Variants in EYA4 observed in about 807,000 individuals in gnomAD.
EYA4 encodes EYA transcriptional coactivator and phosphatase 4.
A neutral mutation model predicts 87.9 loss-of-function variants in EYA4; 31 were observed. The observed-to-expected ratio is 0.35, with a 90% CI of 0.27 to 0.48. The LOEUF (loss-of-function observed/expected upper bound fraction) is 0.48, where lower values mean the gene tolerates loss of function less well. Ranked by LOEUF, EYA4 falls within the 20% of genes least tolerant of loss-of-function variation. The pLI is 0.99. For synonymous variants in EYA4, 263 were observed against 270.6 expected, an observed-to-expected ratio of 0.97 and a Z score of 0.28; for missense variants, 678 against 761.4, an observed-to-expected ratio of 0.89 and a Z score of 1.29.
In EYA4 at chr6:133,477,061, G is replaced by A. The variant is rs186254256; in HGVS notation, c.971-4402G>A. 1.8e-3 allele frequency among the ~76,000 whole-genome samples: 281 copies of A among 152,152 alleles called. 2 individuals carry two copies. The highest frequency in any genetic ancestry group is 6.4e-3 in the African/African-American group (264 of 41,528). Reference sequence around the variant, plus strand: ...CTCCTTCCTGCCACCTTGTGAAGAAGGTGCCTTGCTTCCCCTTCCCCTTCT... The same window carrying A: ...CTCCTTCCTGCCACCTTGTGAAGAAAGTGCCTTGCTTCCCCTTCCCCTTCT... On this transcript the variant is annotated intron_variant, in intron 11 of 19. Transcript: ENST00000355286.
intron 2 of EYA4, among the ~76,000 whole-genome samples, chr6:133,294,310 G>C (rs1778773914): frequency 3.4e-5 from 5 of 149,246 alleles, no homozygotes; most frequent in Admixed American, 3.3e-4. Flanking sequence ...GAAATATAAA[G>C]AAAAAGGATA....
intron 2 of EYA4, among the ~76,000 whole-genome samples, chr6:133,296,025 G>A (rs75822474): frequency 0.15 from 22,777 of 152,202 alleles, 1,750 homozygotes; most frequent in Non-Finnish European, 0.17. Context: ...CTGTATTGCT[G>A]TGGAGGTCGG....
chr6:133,261,688 T>A (rs751033060), intron 1 of EYA4, among the ~76,000 whole-genome samples: 6 of 152,196 alleles, frequency 3.9e-5, no homozygotes, highest in Non-Finnish European at 8.8e-5. Flanking sequence ...TACTCTTAGT[T>A]GAGCAGGGTT....
intron 2 of EYA4, among the ~76,000 whole-genome samples, chr6:133,290,661 T>C (rs1778418809): frequency 1.3e-5 from 2 of 152,166 alleles, no homozygotes; most frequent in South Asian, 2.1e-4. Context: ...CCATGCTTGA[T>C]ACAGAGGGCT....
At chr6:133,495,674 T>A (rs1295233499) in intron 13 of EYA4, among the ~76,000 whole-genome samples, 4 of 152,228 alleles carry the variant, frequency 2.6e-5, no homozygotes, top group African/African-American at 9.6e-5. Flanking sequence ...CACTATGCAG[T>A]AAGAATGGCC....
chr6:133,487,132 C>T (rs900760117), intron 13 of EYA4, among the ~76,000 whole-genome samples: 29 of 152,152 alleles, frequency 1.9e-4, no homozygotes, highest in African/African-American at 7.0e-4. Flanking sequence ...ACTCAGTGAC[C>T]TTTCACAGCA....
chr6:133,268,365 C>G (rs1776397574), intron 1 of EYA4, among the ~76,000 whole-genome samples: 1 of 152,174 alleles, frequency 6.6e-6, no homozygotes, highest in African/African-American at 2.4e-5. Context: ...TGTATGGTCT[C>G]TTTGCAATCC....
At chr6:133,315,315 ACT>A (rs1299018760) in intron 2 of EYA4, among the ~76,000 whole-genome samples, 1 of 151,950 alleles carries the variant, frequency 6.6e-6, no homozygotes, top group Non-Finnish European at 1.5e-5. Context: ...AAGTGTTAAA[ACT>A]CAGTATTTTC....
intron 2 of EYA4, among the ~76,000 whole-genome samples, chr6:133,368,984 C>T (rs535892191): frequency 9.9e-4 from 151 of 152,106 alleles, no homozygotes; most frequent in African/African-American, 1.8e-3. Flanking sequence ...TTTTCCTGTA[C>T]GTCACTGTAT....
chr6:133,266,452 G>A (rs1349437820), intron 1 of EYA4, among the ~76,000 whole-genome samples: 17 of 152,148 alleles, frequency 1.1e-4, no homozygotes, highest in Admixed American at 9.2e-4. Context: ...CTCCAGAACT[G>A]TGAGAATAGA....
chr6:133,278,579 A>G (rs189928081), intron 2 of EYA4, among the ~76,000 whole-genome samples: 289 of 152,308 alleles, frequency 1.9e-3, no homozygotes, highest in African/African-American at 6.4e-3. Context: ...AAATTTTAGA[A>G]AGCCAAAATG....
Position 133,258,795 on chromosome 6 carries a change from A to G in EYA4, c.-65-15921A>G, listed in dbSNP as rs1465746467. Among the ~76,000 whole-genome samples, 5 of 152,126 alleles carry G rather than the reference A, an allele frequency of 3.3e-5. No homozygotes were observed. The East Asian group carries it at 9.6e-4, about 29-fold the overall frequency. ...TGAACTTGTAGATTCTACAAAGAAC[A>G]TCCAAGTACCAGGCAAACCACATCT... On this transcript the variant is annotated intron_variant, in intron 1 of 19. Transcript: ENST00000355286.
chr6:133,273,097 G>GTATATATATATATATATATATATATATA (rs3065331), intron 1 of EYA4, among the ~76,000 whole-genome samples: 30 of 106,634 alleles, frequency 2.8e-4, no homozygotes, highest in African/African-American at 8.6e-4. Context: ...ATATATATAT[G>GTATATATATATATATATATATATATATA]TATATATATA....
At chr6:133,374,362 T>A (rs1477759973) in intron 2 of EYA4, among the ~76,000 whole-genome samples, 2 of 152,008 alleles carry the variant, frequency 1.3e-5, no homozygotes. Flanking sequence ...ACCAGGGTCC[T>A]GGAAGGCCCT....
At chr6:133,313,534 A>T (rs1780394176) in intron 2 of EYA4, among the ~76,000 whole-genome samples, 1 of 152,210 alleles carries the variant, frequency 6.6e-6, no homozygotes, top group Non-Finnish European at 1.5e-5. Flanking sequence ...ATAGATTTAG[A>T]TACTAATTAG....
At position 133,443,455 on chromosome 6, in the gene EYA4, A is replaced by T. The variant is rs114030296; in HGVS notation, c.84-3175A>T. ...AATACTTCCTTATTACCCTTTCAAA[A>T]TCATTGGTATCTCTCATGATCATCT... On this transcript the variant is annotated intron_variant, in intron 3 of 19. Coordinates refer to ENST00000355286, the MANE Select transcript of EYA4 (RefSeq NM_004100.5). 7.0e-3 allele frequency among the ~76,000 whole-genome samples: 1,071 copies of T among 152,142 alleles called. 8 individuals are homozygous for T. Among genetic ancestry groups the T allele is most frequent in the African/African-American group, 0.024 (982 of 41,574 alleles).
chr6:133,435,887 CCTCA>C (rs890554692), intron 3 of EYA4, among the ~76,000 whole-genome samples: 1 of 151,878 alleles, frequency 6.6e-6, no homozygotes, highest in African/African-American at 2.4e-5. Flanking sequence ...ACACACCCCC[CCTCA>C]CTCATTTGGG....
In EYA4 at chr6:133,456,539, CTTA is replaced by C; in HGVS notation, c.278-14_278-12del. 1 of 1,553,358 alleles carries C rather than the reference CTTA, an allele frequency of 6.4e-7. No individual in the cohort carries two copies. Among genetic ancestry groups the C allele is most frequent in the Non-Finnish European group, 8.9e-7 (1 of 1,124,600 alleles). ...AATTTAGAAGTAAAACTCACATGTA[CTTA>C]TTCTTCTACGTAGTGTCTCTTCTTG... On this transcript the variant is annotated splice_polypyrimidine_tract_variant and intron_variant, in intron 5 of 19. Transcript: ENST00000355286.
chr6:133,449,604 T>G (rs1169894041), intron 5 of EYA4, among the ~76,000 whole-genome samples: 1 of 152,172 alleles, frequency 6.6e-6, no homozygotes, highest in Non-Finnish European at 1.5e-5. Flanking sequence ...ATCTGGATCT[T>G]AGCACTACAC....
Sources: allele counts gnomAD v4.1 joint callset (sites outside exome capture counted in the v4.1 genomes callset), GRCh38; gene constraint gnomAD v4.1.1; transcripts MANE v1.5; gene names NCBI Gene and HGNC (gene_info 2026-07-23, HGNC 2026-07-21).